Variants in LDHAL6A observed in about 807,000 individuals in gnomAD.
The protein encoded by LDHAL6A is L-lactate dehydrogenase A-like 6A.
Under a neutral mutation model 28.2 loss-of-function variants are expected in LDHAL6A, and 19 were observed. That is an observed-to-expected ratio of 0.67 (90% CI 0.47 to 0.99). The LOEUF (loss-of-function observed/expected upper bound fraction) is 0.99, where lower values mean the gene tolerates loss of function less well. Among genes scored for constraint, LDHAL6A ranks in the 50% least tolerant of loss-of-function variants. The probability of loss-of-function intolerance (pLI) is 0.00; values close to 1 mark genes in which losing one functional copy is unlikely to be tolerated. For synonymous variants in LDHAL6A, 144 were observed against 134.4 expected (o/e 1.07, Z -0.49); for missense variants, 372 against 398.6 (o/e 0.93, Z 0.57).
chr11:18,472,767 A>C lies in LDHAL6A; in HGVS notation c.419-2699A>C, dbSNP rs1319853288. On this transcript the variant is annotated intron_variant, in intron 3 of 6. Transcript: ENST00000280706. The stretch of plus-strand genomic sequence containing the variant: ...AATCATCTAAAACAAGAACAAATAG[A>C]TTTTTCAAATAAGAGTTGAATCAAT... Among the ~76,000 whole-genome samples, 5 of 152,216 alleles carry C rather than the reference A, an allele frequency of 3.3e-5. No homozygotes were observed. The East Asian group carries it at 9.6e-4, about 29-fold the overall frequency.
At position 18,468,014 on chromosome 11, in the gene LDHAL6A, C is replaced by CAT. The variant is rs1320329256; in HGVS notation, c.418+2212_418+2213dup. ...ATGCATATATATACGTATATATATACATATATATACGTATATATATATACA... is the reference window on the plus strand; with the variant it reads ...ATGCATATATATACGTATATATATACATATATATATACGTATATATATATACA... On this transcript the variant is annotated intron_variant, in intron 3 of 6. Transcript: ENST00000280706. Among the ~76,000 whole-genome samples, 12 of 59,962 alleles carry CAT rather than the reference C, an allele frequency of 2.0e-4. 1 individual carries two copies. In the East Asian group the frequency reaches 4.8e-3, roughly 24 times the overall value. The allele number at this position is 59,962 out of a possible 152,430, so 39.3% of individuals were successfully genotyped here. A position where few individuals can be genotyped will look rare whatever the true frequency, so the allele number is the denominator to read the frequency against.
Position 18,479,110 on chromosome 11 carries a change from G to T in LDHAL6A, c.*240G>T, listed in dbSNP as rs1482004101. 1.4e-4 allele frequency: 48 copies of T among 331,436 alleles called. No homozygotes were observed. The South Asian group carries it at 1.9e-3, about 13-fold the overall frequency. 20.5% of individuals were successfully genotyped at this position (331,436 alleles called of 1,614,324 possible). A position where few individuals can be genotyped will look rare whatever the true frequency, so the allele number is the denominator to read the frequency against. On this transcript the variant is annotated 3_prime_UTR_variant, in exon 7 of 7. Transcript: ENST00000280706. Reference sequence around the variant, plus strand: ...CTGCAACCTTGACCTCCCGAGCTCAGGTGAGCCTCCCACTTCAGCCTCCAG... The same window carrying T: ...CTGCAACCTTGACCTCCCGAGCTCATGTGAGCCTCCCACTTCAGCCTCCAG...
chr11:18,476,546 C>G, intron 5 of LDHAL6A, 45 bp downstream of exon 5: 1 of 1,595,320 alleles, frequency 6.3e-7, no homozygotes, highest in Non-Finnish European at 8.5e-7. Context: ...AAGTTGTGAG[C>G]CTGAACTCTG....
chr11:18,460,107 G>A (rs1848860015), intron 1 of LDHAL6A, among the ~76,000 whole-genome samples: 2 of 152,146 alleles, frequency 1.3e-5, no homozygotes, highest in East Asian at 3.8e-4. Context: ...TAAAGCGCTT[G>A]GCTTTGAATT....
intron 1 of LDHAL6A, among the ~76,000 whole-genome samples, 172 bp from the exon 2 acceptor site, chr11:18,463,789 T>C (rs991461327): frequency 1.3e-5 from 2 of 152,250 alleles, no homozygotes; most frequent in African/African-American, 4.8e-5. Flanking sequence ...AATTTGTATT[T>C]TTTCTGGTTT....
At chr11:18,476,674 G>T in intron 5 of LDHAL6A, 173 bp downstream of exon 5, 8 of 934,336 alleles carry the variant, frequency 8.6e-6, no homozygotes, top group Non-Finnish European at 1.0e-5. Flanking sequence ...CAACAGTCAG[G>T]AACTGATTCT....
At chr11:18,469,209 G>A in intron 3 of LDHAL6A, 1 of 637,678 alleles carries the variant, frequency 1.6e-6, no homozygotes, top group Admixed American at 2.7e-5. Context: ...ACCGTTCAGG[G>A]CACTGAAGTC....
intron 1 of LDHAL6A, among the ~76,000 whole-genome samples, chr11:18,457,968 T>C (rs149907539): frequency 5.1e-4 from 77 of 152,278 alleles, no homozygotes; most frequent in African/African-American, 1.6e-3. Flanking sequence ...TCTAATTGCA[T>C]GAATAGATAA....
intron 3 of LDHAL6A, among the ~76,000 whole-genome samples, chr11:18,474,438 G>A (rs138501155): frequency 0.044 from 6,700 of 151,536 alleles, 217 homozygotes; most frequent in Middle Eastern, 0.083. Context: ...CTAGGCTGGA[G>A]TGCAGTGGCA....
At chr11:18,476,251 G>T (rs1849378204) in intron 4 of LDHAL6A, 133 bp from the exon 5 acceptor site, 1 of 912,312 alleles carries the variant, frequency 1.1e-6, no homozygotes, top group African/African-American at 1.7e-5. Context: ...AGAATATCTG[G>T]AGTGGGGCTC....
chr11:18,477,718 T>C lies in LDHAL6A; in HGVS notation c.809T>C (p.Val270Ala), dbSNP rs755785372. Reference protein sequence around the residue: ...TESILKNLRRVHPVSTLSKGL... With the variant: ...TESILKNLRRAHPVSTLSKGL... The stretch of plus-strand genomic sequence containing the variant: ...AGTATTTTGAAGAATCTTAGGAGAG[T>C]GCATCCAGTTTCTACCCTAAGTAAG... The change falls in exon 6 of 7, where the codon GTG becomes GCG. Residue 270 changes from valine (V) to alanine (A), a missense_variant. Physicochemically the swap from Val to Ala is moderately conservative, Grantham distance 64 (BLOSUM62 0). Transcript: ENST00000280706. 5.0e-6 allele frequency: 8 copies of C among 1,610,042 alleles called. No homozygotes were observed. The African/African-American group carries it at 6.7e-5, about 13-fold the overall frequency.
intron 3 of LDHAL6A, among the ~76,000 whole-genome samples, chr11:18,471,086 A>T (rs1340515783): frequency 1.3e-5 from 2 of 152,192 alleles, no homozygotes; most frequent in Non-Finnish European, 2.9e-5. Flanking sequence ...TATGAATGTG[A>T]AATTTTAAAA....
In LDHAL6A at chr11:18,479,020, T is replaced by C. The variant is rs1399424823; in HGVS notation, c.*150T>C. 4 of 669,444 alleles carry C rather than the reference T, an allele frequency of 6.0e-6. No individual in the cohort carries two copies. The South Asian group carries it at 6.1e-5, about 10-fold the overall frequency. The allele number at this position is 669,444 out of a possible 1,614,324, so 41.5% of individuals were successfully genotyped here. On this transcript the variant is annotated 3_prime_UTR_variant, in exon 7 of 7. Coordinates refer to ENST00000280706, the MANE Select transcript of LDHAL6A (RefSeq NM_144972.5). Reference sequence around the variant, plus strand: ...AGTATAGCCTTCCAGCTTTTTTTTTTTTCTTTTTTGGGAGGGTCTCATTCT... The same window carrying C: ...AGTATAGCCTTCCAGCTTTTTTTTTCTTCTTTTTTGGGAGGGTCTCATTCT...
intron 5 of LDHAL6A, 97 bp downstream of exon 5, chr11:18,476,598 T>C (rs1849390227): frequency 1.3e-6 from 2 of 1,489,594 alleles, no homozygotes; most frequent in African/African-American, 1.4e-5. Flanking sequence ...TGTTGTTGTA[T>C]TTCCCATATT....
chr11:18,470,193 G>A (rs1319759599), intron 3 of LDHAL6A, among the ~76,000 whole-genome samples: 1 of 152,184 alleles, frequency 6.6e-6, no homozygotes, highest in Non-Finnish European at 1.5e-5. Context: ...CCAAGGTGCT[G>A]GGATTATAGG....
At chr11:18,474,149 G>A (rs1849312503) in intron 3 of LDHAL6A, among the ~76,000 whole-genome samples, 1 of 151,604 alleles carries the variant, frequency 6.6e-6, no homozygotes, top group African/African-American at 2.4e-5. Context: ...GTGTGATCTC[G>A]GCTCACTGCA....
chr11:18,460,210 T>G (rs1010290863), intron 1 of LDHAL6A, among the ~76,000 whole-genome samples: 1 of 152,070 alleles, frequency 6.6e-6, no homozygotes, highest in African/African-American at 2.4e-5. Context: ...AAGGCAGTAG[T>G]ATCACTTGAG....
rs5790038 is a variant in LDHAL6A at position 18,465,426 on chromosome 11, GTTT to G, written c.245-196_245-194del. ...GGGTGAGCCACTGCACATGACTTAC[GTTT>G]TTTTTTTTTTTTTTATTATTAAAAA... On this transcript the variant is annotated intron_variant, in intron 2 of 6. Transcript: ENST00000280706. Among the ~76,000 whole-genome samples the G allele has an allele frequency of 9.8e-3, 1,374 of 140,050 alleles. 11 individuals are homozygous for G. Among genetic ancestry groups the G allele is most frequent in the African/African-American group, 0.028 (1,083 of 38,940 alleles). 91.9% of individuals were successfully genotyped at this position (140,050 alleles called of 152,430 possible).
chr11:18,463,129 T>C (rs1304313899), intron 1 of LDHAL6A, among the ~76,000 whole-genome samples: 1 of 152,214 alleles, frequency 6.6e-6, no homozygotes, highest in African/African-American at 2.4e-5. Context: ...GTGGTTTGAA[T>C]GTTTGTCCCC....
Sources: allele counts gnomAD v4.1 joint callset (sites outside exome capture counted in the v4.1 genomes callset), GRCh38; gene constraint gnomAD v4.1.1; transcripts MANE v1.5; gene names NCBI Gene and HGNC (gene_info 2026-07-23, HGNC 2026-07-21).